The following ACSL3 variants were observed in gnomAD, a reference collection of about 807,000 sequenced individuals.
ACSL3 encodes the protein fatty acid CoA ligase Acsl3.
In ACSL3, 34 loss-of-function variants were observed where a neutral mutation model predicts 84.7. That is an observed-to-expected ratio of 0.40 (90% CI 0.31 to 0.53). ACSL3 has a LOEUF of 0.53. ACSL3 is among the 20% of genes least tolerant of loss of function. ACSL3 has a pLI of 0.48. For synonymous variants in ACSL3, 315 were observed against 299.4 expected (o/e 1.05, Z -0.54); for missense variants, 680 against 873.1 (o/e 0.78, Z 2.79).
intron 13 of ACSL3, among the ~76,000 whole-genome samples, chr2:222,929,833 T>C (rs558770823): frequency 2.0e-5 from 3 of 152,140 alleles, no homozygotes; most frequent in Non-Finnish European, 2.9e-5. Context: ...TAGCTATCTT[T>C]AGCAGAATTA....
At chr2:222,888,172 CATGAATTAGACCATTTTAATAT>C (rs1383999842) in intron 2 of ACSL3, among the ~76,000 whole-genome samples, 2 of 152,120 alleles carry the variant, frequency 1.3e-5, no homozygotes, top group African/African-American at 2.4e-5. Flanking sequence ...GATAGTTTAG[CATGAATTAGACCATTTTAATAT>C]GTGATGGTCA....
intron 16 of ACSL3, among the ~76,000 whole-genome samples, chr2:222,939,876 A>G (rs1697260957): frequency 6.6e-6 from 1 of 152,128 alleles, no homozygotes; most frequent in Non-Finnish European, 1.5e-5. Flanking sequence ...TCCTTAACAC[A>G]TTTCTTTCAT....
Position 222,865,015 on chromosome 2 carries a change from T to A in ACSL3, c.-207+3757T>A, listed in dbSNP as rs1695101963. Among the ~76,000 whole-genome samples, 3 of 152,364 alleles carry A rather than the reference T, an allele frequency of 2.0e-5. No individual in the cohort carries two copies. In the South Asian group the frequency reaches 6.2e-4, roughly 32 times the overall value. ...GTGATTGATTTAAAATGTGGCTCAGTCTTAATTTCATCCCTCAATAGAGTA... is the reference window on the plus strand; with the variant it reads ...GTGATTGATTTAAAATGTGGCTCAGACTTAATTTCATCCCTCAATAGAGTA... On this transcript the variant is annotated intron_variant, in intron 1 of 16. Transcript: ENST00000357430.
intron 4 of ACSL3, among the ~76,000 whole-genome samples, chr2:222,911,671 T>C (rs1444929738): frequency 6.6e-6 from 1 of 152,220 alleles, no homozygotes; most frequent in Non-Finnish European, 1.5e-5. Flanking sequence ...TAGTTCTCAA[T>C]TGTGTAAAAA....
chr2:222,919,352 C>A, intron 7 of ACSL3, 150 bp downstream of exon 7: 1 of 595,828 alleles, frequency 1.7e-6, no homozygotes, highest in Non-Finnish European at 2.6e-6. Context: ...GGTATACTTT[C>A]ATCTTGTCTT....
chr2:222,902,216 C>G (rs528966051), intron 3 of ACSL3, among the ~76,000 whole-genome samples: 2 of 151,984 alleles, frequency 1.3e-5, no homozygotes, highest in Non-Finnish European at 2.9e-5. Context: ...TGTAATTCAA[C>G]TTGTCAGTAT....
At chr2:222,863,423 T>A (rs1023502564) in intron 1 of ACSL3, among the ~76,000 whole-genome samples, 3 of 152,218 alleles carry the variant, frequency 2.0e-5, no homozygotes, top group African/African-American at 7.2e-5. Flanking sequence ...ATACTCAGAA[T>A]GTCATCCCGG....
At chr2:222,905,053 C>G (rs1269592791) in intron 3 of ACSL3, 1 of 152,458 alleles carries the variant, frequency 6.6e-6, no homozygotes, top group African/African-American at 2.4e-5. Flanking sequence ...CAGCTTCTGC[C>G]ATCTTGTTAG....
chr2:222,886,505 A>G (rs1419973586), intron 1 of ACSL3, among the ~76,000 whole-genome samples: 1 of 152,232 alleles, frequency 6.6e-6, no homozygotes, highest in Non-Finnish European at 1.5e-5. Context: ...AAGTGATTCA[A>G]AAAAACTTAG....
At chr2:222,866,518 G>A (rs1465817771) in intron 1 of ACSL3, among the ~76,000 whole-genome samples, 2 of 152,160 alleles carry the variant, frequency 1.3e-5, no homozygotes, top group Non-Finnish European at 2.9e-5. Context: ...TAAGTGACTT[G>A]CACGATTGTG....
At chr2:222,865,280 A>G (rs1437722944) in intron 1 of ACSL3, among the ~76,000 whole-genome samples, 2 of 152,160 alleles carry the variant, frequency 1.3e-5, no homozygotes, top group African/African-American at 4.8e-5. Context: ...CCCATTTTGA[A>G]GGGTAAAGAA....
chr2:222,943,825 A>T lies in ACSL3; in HGVS notation c.*2171A>T, dbSNP rs960511655. ...TGAAAAAACCACTCAATTATGACTC[A>T]TATAAGAAATACTGGTTTAACCAGG... On this transcript the variant is annotated 3_prime_UTR_variant, in exon 17 of 17. Coordinates refer to ENST00000357430, the MANE Select transcript of ACSL3 (RefSeq NM_004457.5). 7.9e-5 allele frequency: 12 copies of T among 152,166 alleles called. No individual in the cohort carries two copies. The highest frequency in any genetic ancestry group is 2.7e-4 in the African/African-American group (11 of 41,454). The allele number at this position is 152,166 out of a possible 1,614,324, so 9.4% of individuals were successfully genotyped here. A position where few individuals can be genotyped will look rare whatever the true frequency, so the allele number is the denominator to read the frequency against.
intron 1 of ACSL3, among the ~76,000 whole-genome samples, chr2:222,866,959 C>G (rs989406417): frequency 2.2e-4 from 34 of 151,574 alleles, no homozygotes; most frequent in African/African-American, 8.2e-4. Context: ...CGCAGCCTCC[C>G]GAGGAGCTGG....
At chr2:222,934,753 C>A in intron 16 of ACSL3, 66 bp downstream of exon 16, 1 of 1,534,858 alleles carries the variant, frequency 6.5e-7, no homozygotes, top group Non-Finnish European at 8.8e-7. Flanking sequence ...TGCATTCAAC[C>A]TGTTTTAAGG....
chr2:222,926,007 C>G (rs963657962), intron 11 of ACSL3, among the ~76,000 whole-genome samples: 3 of 152,040 alleles, frequency 2.0e-5, no homozygotes, highest in Non-Finnish European at 4.4e-5. Context: ...TTTTTCCTGC[C>G]TTACGTTAGT....
intron 4 of ACSL3, among the ~76,000 whole-genome samples, chr2:222,915,944 T>C (rs767818605): frequency 1.3e-5 from 2 of 152,224 alleles, no homozygotes; most frequent in Non-Finnish European, 2.9e-5. Context: ...TACTTGGTAC[T>C]AGGCTAAATA....
intron 2 of ACSL3, among the ~76,000 whole-genome samples, chr2:222,899,640 A>C (rs1017649208): frequency 6.6e-6 from 1 of 152,178 alleles, no homozygotes; most frequent in Admixed American, 6.5e-5. Context: ...AAAGTGGCGC[A>C]AGAATAGCTA....
chr2:222,940,336 C>G (rs985535776), intron 16 of ACSL3, among the ~76,000 whole-genome samples: 6 of 152,138 alleles, frequency 3.9e-5, no homozygotes, highest in African/African-American at 1.4e-4. Context: ...AACAAATAGG[C>G]ATAAAGGAAA....
chr2:222,901,964 A>ATG (rs57522671), intron 3 of ACSL3, among the ~76,000 whole-genome samples: 3,356 of 99,474 alleles, frequency 0.034, 279 homozygotes, highest in Middle Eastern at 0.16. Flanking sequence ...AAAAAAAAAA[A>ATG]GAACTCAAAT....
Sources: allele counts gnomAD v4.1 joint callset (sites outside exome capture counted in the v4.1 genomes callset), GRCh38; gene constraint gnomAD v4.1.1; transcripts MANE v1.5; gene names NCBI Gene and HGNC (gene_info 2026-07-23, HGNC 2026-07-21).